Variants in USP8 observed in about 807,000 individuals in gnomAD.
USP8 encodes ubiquitin carboxyl-terminal hydrolase 8.
Under a neutral mutation model 130.0 loss-of-function variants are expected in USP8, and 27 were observed. The ratio of observed to expected loss-of-function variants is 0.21; its 90% CI spans 0.15 to 0.29. The LOEUF (loss-of-function observed/expected upper bound fraction) is 0.29, where lower values mean the gene tolerates loss of function less well. Ranked by LOEUF, USP8 falls within the 10% of genes least tolerant of loss-of-function variation. USP8 has a pLI of 1.00. For missense variants in USP8, 1,029 were observed against 1,312.2 expected (o/e 0.78, Z 3.33); for synonymous variants, 392 against 444.1 (o/e 0.88, Z 1.48).
intron 8 of USP8, among the ~76,000 whole-genome samples, chr15:50,473,795 G>T (rs1359496075): frequency 6.6e-6 from 1 of 150,660 alleles, no homozygotes; most frequent in Non-Finnish European, 1.5e-5. Context: ...CACTGTGTTG[G>T]GCATCTAAGT....
At chr15:50,464,434 C>CAT (rs1178469012) in intron 6 of USP8, among the ~76,000 whole-genome samples, 2 of 152,182 alleles carry the variant, frequency 1.3e-5, no homozygotes, top group Non-Finnish European at 2.9e-5. Context: ...TCCTGAGACA[C>CAT]ATATATTAAT....
In USP8 at chr15:50,501,233, G is replaced by A. The variant is rs549017443; in HGVS notation, c.*2145G>A. On this transcript the variant is annotated 3_prime_UTR_variant, in exon 20 of 20. Transcript: ENST00000307179. ...CCAACACTCTGGGAGGCTGAGGCAGGTGGATTGCTTGAGTCCAGGAGTTCA... is the reference window on the plus strand; with the variant it reads ...CCAACACTCTGGGAGGCTGAGGCAGATGGATTGCTTGAGTCCAGGAGTTCA... 1.2e-3 allele frequency: 191 copies of A among 163,630 alleles called. No homozygotes were observed. Among genetic ancestry groups the A allele is most frequent in the Non-Finnish European group, 1.5e-3 (116 of 74,940 alleles). 10.1% of individuals were successfully genotyped at this position (163,630 alleles called of 1,614,324 possible). A position where few individuals can be genotyped will look rare whatever the true frequency, so the allele number is the denominator to read the frequency against.
chr15:50,472,597 GAAA>G (rs572914472), intron 8 of USP8, among the ~76,000 whole-genome samples: 2 of 108,990 alleles, frequency 1.8e-5, no homozygotes, highest in African/African-American at 3.4e-5. Context: ...ACTCTGTCTG[GAAA>G]AAAAAAAAAA....
chr15:50,445,300 C>CT (rs1284399219), intron 3 of USP8, among the ~76,000 whole-genome samples: 1 of 151,638 alleles, frequency 6.6e-6, no homozygotes, highest in Non-Finnish European at 1.5e-5. Context: ...AATCCCAGCA[C>CT]TTTGGGAGGC....
At chr15:50,472,876 C>T (rs2051428491) in intron 8 of USP8, among the ~76,000 whole-genome samples, 1 of 152,172 alleles carries the variant, frequency 6.6e-6, no homozygotes, top group African/African-American at 2.4e-5. Context: ...CACCATTGCA[C>T]TCCAGCCTGG....
At position 50,506,785 on chromosome 15, in the gene USP8, T is replaced by C. The variant is rs768836568; in HGVS notation, c.*7697T>C. 36 of 149,458 alleles carry C rather than the reference T, an allele frequency of 2.4e-4. No homozygotes were observed. Among genetic ancestry groups the C allele is most frequent in the Admixed American group, 4.7e-4 (7 of 14,972 alleles). 9.3% of individuals were successfully genotyped at this position (149,458 alleles called of 1,614,324 possible). Reference sequence around the variant, plus strand: ...CTATCCTGGCCAACACGGTGAAACCTCATCTCTACAAAAATACAAAAAATT... The same window carrying C: ...CTATCCTGGCCAACACGGTGAAACCCCATCTCTACAAAAATACAAAAAATT... On this transcript the variant is annotated 3_prime_UTR_variant, in exon 20 of 20. Transcript: ENST00000307179.
At chr15:50,466,993 A>G in intron 7 of USP8, 2 of 505,566 alleles carry the variant, frequency 4.0e-6, no homozygotes, top group Non-Finnish European at 3.6e-6. Context: ...ATGAGAATCC[A>G]CAAACAACTC....
At chr15:50,467,003 C>G (rs1292775575) in intron 7 of USP8, 3 of 515,258 alleles carry the variant, frequency 5.8e-6, no homozygotes, top group African/African-American at 1.9e-5. Flanking sequence ...ACAAACAACT[C>G]ATTGACTTGC....
intron 12 of USP8, among the ~76,000 whole-genome samples, chr15:50,488,926 G>A (rs2052061412): frequency 6.6e-6 from 1 of 151,880 alleles, no homozygotes. Flanking sequence ...GTGTTGCCCA[G>A]GCCGATCTCA....
At chr15:50,473,519 A>C (rs960908544) in intron 8 of USP8, among the ~76,000 whole-genome samples, 1 of 151,924 alleles carries the variant, frequency 6.6e-6, no homozygotes, top group African/African-American at 2.4e-5. Context: ...TTTTTTTAAG[A>C]GACAAGGTTT....
rs893303973 is a variant in USP8, at chr15:50,500,890, T to C, written c.*1802T>C. 2.2e-6 allele frequency: 3 copies of C among 1,381,062 alleles called. No homozygotes were observed. The Admixed American group carries it at 5.9e-5, about 27-fold the overall frequency. 85.6% of individuals were successfully genotyped at this position (1,381,062 alleles called of 1,614,324 possible). A position where few individuals can be genotyped will look rare whatever the true frequency, so the allele number is the denominator to read the frequency against. ...GTATTCACATATGAACACTAACTAC[T>C]GGAACAGAAATGATAGGGCCAAGAG... On this transcript the variant is annotated 3_prime_UTR_variant, in exon 20 of 20. Transcript: ENST00000307179.
chr15:50,465,014 C>T (rs758160704), intron 6 of USP8, 33 bp from the exon 7 acceptor site: 3 of 1,608,004 alleles, frequency 1.9e-6, no homozygotes, highest in Non-Finnish European at 2.5e-6. Context: ...TGTGCTGTTT[C>T]TTGTCACTTA....
rs1567603401 is a variant in USP8 at position 50,441,329 on chromosome 15, A to T, written c.105-20A>T. ...CCAGATGTCAATTGCTTTAATTATT[A>T]TTTTTTCTCTAATTTTAAGTTATGT... On this transcript the variant is annotated intron_variant, in intron 2 of 19. Transcript: ENST00000307179. The T allele has an allele frequency of 1.9e-6, 3 of 1,567,204 alleles. No homozygotes were observed. The highest frequency in any genetic ancestry group is 4.3e-5 in the Admixed American group (2 of 46,468).
chr15:50,441,806 A>G (rs985410107), intron 3 of USP8, among the ~76,000 whole-genome samples: 2 of 152,106 alleles, frequency 1.3e-5, no homozygotes, highest in African/African-American at 4.8e-5. Flanking sequence ...CTCATTAAGT[A>G]AGAAAACATG....
chr15:50,481,084 G>A (rs1004934177), intron 10 of USP8, among the ~76,000 whole-genome samples: 7 of 152,070 alleles, frequency 4.6e-5, no homozygotes, highest in East Asian at 1.9e-4. Flanking sequence ...TCGTGAATCC[G>A]TTTTGGCTGT....
At chr15:50,496,156 A>C (rs1178371172) in intron 17 of USP8, 72 bp downstream of exon 17, 4 of 1,264,260 alleles carry the variant, frequency 3.2e-6, no homozygotes, top group Non-Finnish European at 4.4e-6. Flanking sequence ...AGAGATGTAA[A>C]TTTCTGGTCT....
chr15:50,453,760 G>A (rs2050697020), intron 4 of USP8, among the ~76,000 whole-genome samples: 1 of 146,212 alleles, frequency 6.8e-6, no homozygotes, highest in Non-Finnish European at 1.5e-5. Context: ...CTCAGCTTTT[G>A]TTTCATGTAT....
Position 50,481,497 on chromosome 15 carries a change from A to C in USP8, c.1235A>C (p.Lys412Thr). The change falls in exon 11 of 20, where the codon AAA becomes ACA. Residue 412 changes from lysine to threonine, a missense_variant. Coordinates refer to ENST00000307179, the MANE Select transcript of USP8 (RefSeq NM_005154.5). ...KNVPQIDRTK[K>T]PAVKLPEEHR... ...TTGCTCTAGATTGATCGTACTAAAA[A>C]ACCAGCAGTCAAATTGCCTGAAGAG... The C allele has an allele frequency of 4.4e-6, 7 of 1,587,654 alleles. No individual in the cohort carries two copies. Among genetic ancestry groups the C allele is most frequent in the Non-Finnish European group, 6.0e-6 (7 of 1,171,536 alleles).
chr15:50,426,168 A>G (rs2049712073), intron 1 of USP8, among the ~76,000 whole-genome samples: 1 of 152,176 alleles, frequency 6.6e-6, no homozygotes, highest in Admixed American at 6.6e-5. Flanking sequence ...AATAATCAAA[A>G]TGACTTTTGG....
Sources: allele counts gnomAD v4.1 joint callset (sites outside exome capture counted in the v4.1 genomes callset), GRCh38; gene constraint gnomAD v4.1.1; transcripts MANE v1.5; gene names NCBI Gene and HGNC (gene_info 2026-07-23, HGNC 2026-07-21).